Variants in GFRA2 observed in about 807,000 individuals in gnomAD.
The protein encoded by GFRA2 is GDNF family receptor alpha-2.
Under a neutral mutation model 48.3 loss-of-function variants are expected in GFRA2, and 17 were observed. The ratio of observed to expected loss-of-function variants is 0.35; its 90% CI spans 0.24 to 0.53. GFRA2 has a LOEUF of 0.53. Ranked by LOEUF, GFRA2 falls within the 20% of genes least tolerant of loss-of-function variation. GFRA2 has a pLI of 0.93. For synonymous variants in GFRA2, 305 were observed against 257.2 expected (o/e 1.19, Z -1.78); for missense variants, 660 against 637.3 (o/e 1.04, Z -0.38).
chr8:21,702,755 C>T (rs1563215363), intron 7 of GFRA2, 50 bp downstream of exon 7: 1 of 1,513,142 alleles, frequency 6.6e-7, no homozygotes, highest in Admixed American at 2.2e-5. Flanking sequence ...TTTCCCATGC[C>T]ACTTCCGGTG....
chr8:21,737,240 G>A (rs750007456), intron 4 of GFRA2, among the ~76,000 whole-genome samples: 32 of 152,016 alleles, frequency 2.1e-4, no homozygotes, highest in African/African-American at 6.3e-4. Context: ...TTGGTAGCGC[G>A]TGCCTATAGT....
chr8:21,714,043 C>G (rs981552145), intron 4 of GFRA2, among the ~76,000 whole-genome samples: 1 of 152,180 alleles, frequency 6.6e-6, no homozygotes, highest in African/African-American at 2.4e-5. Flanking sequence ...CACACAGTTA[C>G]ACTTGGATAC....
intron 3 of GFRA2, among the ~76,000 whole-genome samples, chr8:21,759,472 G>GAGAAAGAA (rs1563252093): frequency 3.7e-5 from 4 of 107,040 alleles, no homozygotes; most frequent in Non-Finnish European, 5.6e-5. Flanking sequence ...GAGGGAGGGA[G>GAGAAAGAA]GGAAAGAAGG....
At position 21,750,293 on chromosome 8, in the gene GFRA2, T is replaced by C. The variant is rs1805225146; in HGVS notation, c.794+295A>G. The stretch of plus-strand genomic sequence containing the variant: ...CTGTGGTTTTAAATTATAAGCTCCT[T>C]GGGTTGTTCATTTTGGTTTCCCCAG... On this transcript the variant is annotated intron_variant, in intron 4 of 8. Transcript: ENST00000524240. This position sits in a 1 kb window ranked among gnomAD's most constrained non-coding sequence, Gnocchi z 5.7. Among the ~76,000 whole-genome samples the C allele has an allele frequency of 6.6e-6, 1 of 152,168 alleles. No homozygotes were observed.
chr8:21,708,535 A>T (rs71513833), intron 4 of GFRA2, among the ~76,000 whole-genome samples: 2,468 of 152,330 alleles, frequency 0.016, 33 homozygotes, highest in Middle Eastern at 0.048. Flanking sequence ...TGCAGTTTTA[A>T]TCCCCAGGAC....
chr8:21,750,107 A>ACACACACACACACACACACACACACG lies in GFRA2; in HGVS notation c.794+480_794+481insCGTGTGTGTGTGTGTGTGTGTGTGTG, dbSNP rs201515239. 1.3e-3 allele frequency among the ~76,000 whole-genome samples: 190 copies of ACACACACACACACACACACACACACG among 150,750 alleles called. 1 individual carries two copies. Among genetic ancestry groups the ACACACACACACACACACACACACACG allele is most frequent in the South Asian group, 2.7e-3 (13 of 4,774 alleles). On this transcript the variant is annotated intron_variant, in intron 4 of 8. Transcript: ENST00000524240. This position sits in a 1 kb window ranked among gnomAD's most constrained non-coding sequence, Gnocchi z 5.7. Reference sequence around the variant, plus strand: ...TGTGTATACACACACACACACACACACACGCACATATATAGGTAGAGACTG... The same window carrying ACACACACACACACACACACACACACG: ...TGTGTATACACACACACACACACACACACACACACACACACACACACACACGCACGCACATATATAGGTAGAGACTG...
intron 4 of GFRA2, among the ~76,000 whole-genome samples, chr8:21,735,605 G>C (rs567994887): frequency 6.6e-6 from 1 of 152,294 alleles, no homozygotes; most frequent in East Asian, 1.9e-4. Flanking sequence ...CCTTAAAGGC[G>C]AGGTTTCATA....
intron 2 of GFRA2, among the ~76,000 whole-genome samples, chr8:21,794,034 A>T (rs929465277): frequency 6.6e-6 from 1 of 151,692 alleles, no homozygotes; most frequent in Non-Finnish European, 1.5e-5. Flanking sequence ...TTATTTACTT[A>T]GCAGAGATGA....
chr8:21,770,936 C>T (rs1223651044), intron 3 of GFRA2, among the ~76,000 whole-genome samples: 1 of 152,146 alleles, frequency 6.6e-6, no homozygotes, highest in Non-Finnish European at 1.5e-5. Context: ...AGCTGGGATT[C>T]GGCATTCACA....
intron 4 of GFRA2, among the ~76,000 whole-genome samples, chr8:21,715,027 A>G (rs1165827259): frequency 2.0e-5 from 3 of 152,218 alleles, no homozygotes; most frequent in South Asian, 4.1e-4. Context: ...AAGTGGGTTC[A>G]ATGTGATGTG....
chr8:21,742,793 G>A (rs1174316478), intron 4 of GFRA2, among the ~76,000 whole-genome samples: 1 of 152,154 alleles, frequency 6.6e-6, no homozygotes, highest in Non-Finnish European at 1.5e-5. Flanking sequence ...GAGATGCCTG[G>A]GTCCTCAAGC....
At chr8:21,742,296 T>A (rs1804785441) in intron 4 of GFRA2, among the ~76,000 whole-genome samples, 2 of 152,156 alleles carry the variant, frequency 1.3e-5, no homozygotes, top group Admixed American at 1.3e-4. Context: ...ATTAGTGGCC[T>A]TATAAGAAGA....
At chr8:21,810,729 A>G (rs10095228) in intron 1 of GFRA2, among the ~76,000 whole-genome samples, 80,641 of 151,934 alleles carry the variant, frequency 0.53, 24,080 homozygotes, top group African/African-American at 0.81. Flanking sequence ...GACTCTATGG[A>G]AAAAAAAGGA....
chr8:21,696,065 CCT>C (rs1802152021), intron 7 of GFRA2, among the ~76,000 whole-genome samples: 2 of 138,608 alleles, frequency 1.4e-5, no homozygotes, highest in Non-Finnish European at 3.1e-5. Flanking sequence ...CTCCCCATCT[CCT>C]GTGTCCCCTC....
At position 21,787,207 on chromosome 8, in the gene GFRA2, A is replaced by G. The variant is rs565112827; in HGVS notation, c.40+913T>C. 1.4e-3 allele frequency among the ~76,000 whole-genome samples: 207 copies of G among 144,184 alleles called. 4 individuals are homozygous for G. The South Asian group carries it at 0.046, about 32-fold the overall frequency. The allele number at this position is 144,184 out of a possible 152,430, so 94.6% of individuals were successfully genotyped here. ...GAGCTGGGAATTCTGTGTGGAAAAG[A>G]AACTGCGTGGGGCTCAGTGGCGCCA... On this transcript the variant is annotated intron_variant, in intron 1 of 8. Transcript: ENST00000524240.
intron 4 of GFRA2, among the ~76,000 whole-genome samples, chr8:21,717,086 G>A (rs1359462325): frequency 4.6e-5 from 7 of 152,202 alleles, no homozygotes; most frequent in Non-Finnish European, 7.3e-5. Flanking sequence ...AAACTCTGCT[G>A]CTTAACCCTC....
chr8:21,798,951 G>A (rs890967502), intron 2 of GFRA2, among the ~76,000 whole-genome samples: 21 of 152,144 alleles, frequency 1.4e-4, no homozygotes, highest in Admixed American at 1.2e-3. Flanking sequence ...AGCTCTGTTC[G>A]AACATGACCT....
intron 3 of GFRA2, among the ~76,000 whole-genome samples, chr8:21,768,162 T>C (rs1002077427): frequency 2.0e-5 from 3 of 152,206 alleles, no homozygotes; most frequent in African/African-American, 7.2e-5. Flanking sequence ...CACCTGCTCC[T>C]TGGCCATCAG....
Position 21,788,142 on chromosome 8 carries a change from G to A in GFRA2, c.18C>T (p.Val6=), listed in dbSNP as rs1807379061. MILAN[V]FCLFFFLDET... is the part of the protein sequence containing the mutation. ...CACCTAGAAAGAAGAAGAGGCAGAA[G>A]ACGTTTGCCAAGATCATGTTAAATA... The change falls in exon 1 of 9, where the codon GTC becomes GTT. Residue 6 remains valine, a synonymous_variant. Coordinates refer to ENST00000524240, the MANE Select transcript of GFRA2 (RefSeq NM_001495.5). 4.4e-6 allele frequency: 7 copies of A among 1,575,810 alleles called. No individual in the cohort carries two copies. The highest frequency in any genetic ancestry group is 3.4e-5 in the South Asian group (3 of 89,180).
Sources: gnomAD v4.1 joint callset for allele counts (sites outside exome capture counted in the v4.1 genomes callset) on GRCh38, gnomAD v4.1.1 for gene constraint, Gnocchi (gnomAD v3.1) non-coding constraint, MANE v1.5 for transcripts, NCBI Gene and HGNC (gene_info 2026-07-23, HGNC 2026-07-21) for gene names.